Variants in SLC25A21 observed in about 807,000 individuals in gnomAD.
SLC25A21 encodes solute carrier family 25 member 21, also known as mitochondrial 2-oxodicarboxylate carrier.
SLC25A21 carries 47 observed loss-of-function variants against 43.8 expected under a neutral mutation model. That is an observed-to-expected ratio of 1.07 (90% CI 0.85 to 1.37). SLC25A21 has a LOEUF of 1.37. SLC25A21 is among the 40% of genes most tolerant of loss of function. The pLI, the probability that SLC25A21 is intolerant of heterozygous loss-of-function variation, is 0.00. For missense variants in SLC25A21, 352 were observed against 350.2 expected (o/e 1.00, Z -0.04); for synonymous variants, 131 against 121.3 (o/e 1.08, Z -0.52).
At chr14:37,093,865 A>G (rs1962636445) in intron 1 of SLC25A21, among the ~76,000 whole-genome samples, 1 of 152,150 alleles carries the variant, frequency 6.6e-6, no homozygotes, top group Non-Finnish European at 1.5e-5. Flanking sequence ...TTAAAGAGAG[A>G]TCTGGCCATT....
intron 1 of SLC25A21, among the ~76,000 whole-genome samples, chr14:37,051,507 C>T (rs1269000231): frequency 6.6e-6 from 1 of 152,198 alleles, no homozygotes; most frequent in African/African-American, 2.4e-5. Context: ...CTATGGTGAC[C>T]TATTCTTACC....
intron 1 of SLC25A21, among the ~76,000 whole-genome samples, chr14:37,155,979 C>T (rs6571794): frequency 0.4 from 59,890 of 151,538 alleles, 12,713 homozygotes; most frequent in African/African-American, 0.56. Flanking sequence ...GCCAATATGA[C>T]GAAACCCTGT....
At chr14:37,150,586 T>TA (rs1468185770) in intron 1 of SLC25A21, among the ~76,000 whole-genome samples, 1 of 152,208 alleles carries the variant, frequency 6.6e-6, no homozygotes, top group East Asian at 1.9e-4. Flanking sequence ...AATCAGAAGT[T>TA]AACACACTTC....
chr14:36,934,328 A>C (rs1892365643), intron 1 of SLC25A21, among the ~76,000 whole-genome samples: 1 of 152,098 alleles, frequency 6.6e-6, no homozygotes, highest in Admixed American at 6.6e-5. Flanking sequence ...GAGAATCTCT[A>C]TAATTGAAGT....
At chr14:36,790,911 G>C (rs1260269783) in intron 3 of SLC25A21, among the ~76,000 whole-genome samples, 1 of 152,108 alleles carries the variant, frequency 6.6e-6, no homozygotes, top group Non-Finnish European at 1.5e-5. Flanking sequence ...AAGTATTTCA[G>C]TAATAAGAGG....
intron 1 of SLC25A21, among the ~76,000 whole-genome samples, chr14:36,936,614 T>C (rs1266054981): frequency 6.6e-6 from 1 of 152,210 alleles, no homozygotes; most frequent in Non-Finnish European, 1.5e-5. Flanking sequence ...TCCACAGTTC[T>C]GTTCAAAACA....
At chr14:37,007,673 ATT>A (rs1960636838) in intron 1 of SLC25A21, among the ~76,000 whole-genome samples, 1 of 151,168 alleles carries the variant, frequency 6.6e-6, no homozygotes, top group African/African-American at 2.4e-5. Context: ...CAAGAAATCT[ATT>A]TCTCTTGGTA....
chr14:36,737,625 A>G (rs1446969669), intron 3 of SLC25A21, among the ~76,000 whole-genome samples: 1 of 152,236 alleles, frequency 6.6e-6, no homozygotes, highest in Non-Finnish European at 1.5e-5. Context: ...CACTCAGGTC[A>G]GCACCGCTTC....
intron 1 of SLC25A21, among the ~76,000 whole-genome samples, chr14:37,032,489 T>G (rs986748140): frequency 2.0e-5 from 3 of 152,026 alleles, no homozygotes; most frequent in Non-Finnish European, 4.4e-5. Flanking sequence ...TGAGCGGAGA[T>G]TGTGCCACTG....
chr14:37,087,288 A>G (rs941834294), intron 1 of SLC25A21, among the ~76,000 whole-genome samples: 2 of 152,220 alleles, frequency 1.3e-5, no homozygotes, highest in African/African-American at 4.8e-5. Flanking sequence ...TCTGAATAAA[A>G]TAAGAATAAA....
At chr14:36,813,334 T>G (rs192121298) in intron 3 of SLC25A21, among the ~76,000 whole-genome samples, 1 of 151,872 alleles carries the variant, frequency 6.6e-6, no homozygotes, top group East Asian at 2.0e-4. Context: ...ATTTGATCAT[T>G]TAATAGATCA....
intron 1 of SLC25A21, among the ~76,000 whole-genome samples, chr14:37,010,085 T>C (rs1007833927): frequency 9.9e-5 from 15 of 152,198 alleles, no homozygotes; most frequent in African/African-American, 3.6e-4. Flanking sequence ...CTTTTAGCCT[T>C]GATTTCCTTA....
intron 1 of SLC25A21, among the ~76,000 whole-genome samples, chr14:37,123,087 T>C (rs990678953): frequency 6.6e-6 from 1 of 152,192 alleles, no homozygotes; most frequent in Non-Finnish European, 1.5e-5. Flanking sequence ...ATGAGAAGAA[T>C]GTTAAAAATG....
chr14:37,123,318 A>G lies in SLC25A21; in HGVS notation c.70+48963T>C, dbSNP rs573057076. 5.1e-4 allele frequency among the ~76,000 whole-genome samples: 78 copies of G among 152,332 alleles called. 1 individual carries two copies. The highest frequency in any genetic ancestry group is 1.9e-3 in the African/African-American group (77 of 41,586). On this transcript the variant is annotated intron_variant, in intron 1 of 9. Coordinates refer to ENST00000331299, the MANE Select transcript of SLC25A21 (RefSeq NM_030631.4). ...GATTCCTCGATTTCAGTCACCAACA[A>G]CTAAATGAAAACAAGCACCTATAAC...
chr14:37,052,246 T>C (rs1176101513), intron 1 of SLC25A21, among the ~76,000 whole-genome samples: 2 of 152,206 alleles, frequency 1.3e-5, no homozygotes, highest in South Asian at 4.2e-4. Context: ...CAAGTATTTT[T>C]TATCATCTAA....
At chr14:36,711,293 G>A in intron 7 of SLC25A21, 25 bp downstream of exon 7, 1 of 1,608,168 alleles carries the variant, frequency 6.2e-7, no homozygotes, top group Non-Finnish European at 8.5e-7. Flanking sequence ...TTTTCCTCCA[G>A]GATTTTAATT....
At chr14:36,826,232 G>A (rs1888826974) in intron 2 of SLC25A21, among the ~76,000 whole-genome samples, 1 of 152,162 alleles carries the variant, frequency 6.6e-6, no homozygotes, top group African/African-American at 2.4e-5. Context: ...TACACAAGGA[G>A]CCCAATGTAG....
intron 1 of SLC25A21, among the ~76,000 whole-genome samples, chr14:36,881,483 C>G (rs1014819229): frequency 1.4e-4 from 22 of 152,112 alleles, no homozygotes; most frequent in African/African-American, 5.3e-4. Flanking sequence ...AAAACCACAT[C>G]AAAAGTATCA....
chr14:36,824,192 G>C (rs1888736114), intron 2 of SLC25A21, among the ~76,000 whole-genome samples: 1 of 152,140 alleles, frequency 6.6e-6, no homozygotes. Context: ...TAATATCAAA[G>C]AAAGATGAAA....
Sources: allele counts gnomAD v4.1 joint callset (sites outside exome capture counted in the v4.1 genomes callset), GRCh38; gene constraint gnomAD v4.1.1; transcripts MANE v1.5; gene names NCBI Gene and HGNC (gene_info 2026-07-23, HGNC 2026-07-21).